Variants in AARS1 observed in about 807,000 individuals in gnomAD.
AARS1 encodes alanyl-tRNA synthetase 1, also known as alanine--tRNA ligase, cytoplasmic.
Under a neutral mutation model 108.9 loss-of-function variants are expected in AARS1, and 72 were observed. That is an observed-to-expected ratio of 0.66 (90% confidence interval 0.55 to 0.80). The LOEUF (loss-of-function observed/expected upper bound fraction) is 0.80, where lower values mean the gene tolerates loss of function less well. Among genes scored for constraint, AARS1 ranks in the 30% least tolerant of loss-of-function variants. The pLI is 0.00. For missense variants in AARS1, 1,193 were observed against 1,233.2 expected (o/e 0.97, Z 0.49); for synonymous variants, 489 against 465.7 (o/e 1.05, Z -0.64).
chr16:70,253,202 C>A, intron 20 of AARS1, 66 bp downstream of exon 20: 2 of 1,332,296 alleles, frequency 1.5e-6, no homozygotes, highest in Non-Finnish European at 2.1e-6. Context: ...GCAGGCTGTA[C>A]ACACACAGGC....
At position 70,286,481 on chromosome 16, in the gene AARS1, C is replaced by T. The variant is rs146462866; in HGVS notation, c.-22+2940G>A. ...GCTCAGGTGTTCCTCCCACCTCAGC[C>T]TCCGGAGTAGCTAGGACTACAGGCA... is the stretch of plus-strand genomic sequence containing the variant. On this transcript the variant is annotated intron_variant, in intron 1 of 20. Transcript: ENST00000261772. Among the ~76,000 whole-genome samples the T allele has an allele frequency of 4.5e-4, 69 of 151,946 alleles. No homozygotes were observed. In the East Asian group the frequency reaches 0.013, roughly 29 times the overall value.
At position 70,269,636 on chromosome 16, in the gene AARS1, G is replaced by A; in HGVS notation, c.944C>T (p.Pro315Leu). 1 of 1,614,108 alleles carries A rather than the reference G, an allele frequency of 6.2e-7. No individual in the cohort carries two copies. The highest frequency in any genetic ancestry group is 8.5e-7 in the Non-Finnish European group (1 of 1,180,036). The change falls in exon 7 of 21, where the codon CCT becomes CTT. Residue 315 changes from proline (P) to leucine (L), a missense_variant. Pro to Leu is a moderately conservative substitution (Grantham distance 98). Coordinates refer to ENST00000261772, the MANE Select transcript of AARS1 (RefSeq NM_001605.3). ...TACTTACCCACGCCCTGTGTTGTCA[G>A]GCCGGCCACCATCAGCCAGTGCCAC... ...ITVALADGGR[P>L]DNTGRGYVLR...
rs780132815 is a variant in AARS1 at position 70,254,744 on chromosome 16, G to A, written c.2287-10C>T. ...CTGCTTTCCTGAGGGCCTGGGAGGG[G>A]ACACCGGGTCAACCCCAAGCAGGAG... On this transcript the variant is annotated splice_polypyrimidine_tract_variant and intron_variant, in intron 16 of 20. Coordinates refer to ENST00000261772, the MANE Select transcript of AARS1 (RefSeq NM_001605.3). 1.9e-6 allele frequency: 3 copies of A among 1,581,876 alleles called. No homozygotes were observed. The highest frequency in any genetic ancestry group is 2.2e-5 in the East Asian group (1 of 44,676).
Position 70,269,607 on chromosome 16 carries a change from A to G in AARS1, c.962+11T>C. On this transcript the variant is annotated intron_variant, in intron 7 of 20. Coordinates refer to ENST00000261772, the MANE Select transcript of AARS1 (RefSeq NM_001605.3). ...CCGCTCCAAACACCACCCAGTGTGC[A>G]GCATACTTACCCACGCCCTGTGTTG... 1 of 1,613,726 alleles carries G rather than the reference A, an allele frequency of 6.2e-7. No individual in the cohort carries two copies. Among genetic ancestry groups the G allele is most frequent in the Non-Finnish European group, 8.5e-7 (1 of 1,180,026 alleles).
Position 70,252,384 on chromosome 16 carries a change from A to T in AARS1, c.*337T>A. ...GGAAGAGGGATAGAGATCATGCGGCATTAAGTATTGCACGTGGTCCTTTTA... is the reference window on the plus strand; with the variant it reads ...GGAAGAGGGATAGAGATCATGCGGCTTTAAGTATTGCACGTGGTCCTTTTA... On this transcript the variant is annotated 3_prime_UTR_variant, in exon 21 of 21. Coordinates refer to ENST00000261772, the MANE Select transcript of AARS1 (RefSeq NM_001605.3). 2.4e-6 allele frequency: 1 copy of T among 413,052 alleles called. No homozygotes were observed. Among genetic ancestry groups the T allele is most frequent in the South Asian group, 2.4e-5 (1 of 42,154 alleles). The allele number at this position is 413,052 out of a possible 1,614,324, so 25.6% of individuals were successfully genotyped here.
At chr16:70,286,264 G>A (rs541851899) in intron 1 of AARS1, among the ~76,000 whole-genome samples, 3 of 152,188 alleles carry the variant, frequency 2.0e-5, no homozygotes, top group East Asian at 1.9e-4. Flanking sequence ...GGATACAGAG[G>A]TAGCACAAAG....
chr16:70,271,494 C>T (rs1309413741), intron 5 of AARS1, among the ~76,000 whole-genome samples: 2 of 151,684 alleles, frequency 1.3e-5, no homozygotes, highest in African/African-American at 2.4e-5. Context: ...CACCATTGCA[C>T]TCCAGCCTGG....
chr16:70,266,904 T>C (rs1960276278), intron 9 of AARS1, among the ~76,000 whole-genome samples: 1 of 152,126 alleles, frequency 6.6e-6, no homozygotes, highest in South Asian at 2.1e-4. Flanking sequence ...TGGCATGATT[T>C]TGGCTCAATG....
chr16:70,276,445 T>C (rs769956116), intron 4 of AARS1, 41 bp downstream of exon 4: 4 of 1,610,288 alleles, frequency 2.5e-6, no homozygotes, highest in East Asian at 4.5e-5. Flanking sequence ...TGAGTGTCAT[T>C]TCACTCCTCC....
At chr16:70,253,530 C>T in intron 19 of AARS1, 149 bp from the exon 20 acceptor site, 2 of 1,008,988 alleles carry the variant, frequency 2.0e-6, no homozygotes, top group Non-Finnish European at 1.5e-6. Flanking sequence ...GACCCCAGCG[C>T]CGGGCCCTGC....
At chr16:70,262,997 A>AAAAAAAC (rs1960179665) in intron 11 of AARS1, among the ~76,000 whole-genome samples, 1 of 124,912 alleles carries the variant, frequency 8.0e-6, no homozygotes, top group Non-Finnish European at 1.6e-5. Flanking sequence ...AAAAAAAAAA[A>AAAAAAAC]ACAACAACAA....
chr16:70,261,821 C>A (rs996280723), intron 12 of AARS1, among the ~76,000 whole-genome samples: 3 of 151,734 alleles, frequency 2.0e-5, no homozygotes, highest in African/African-American at 4.8e-5. Context: ...AGGCATCCAC[C>A]ACCATACCTG....
chr16:70,275,845 G>C (rs1960534141), intron 4 of AARS1, among the ~76,000 whole-genome samples: 1 of 144,956 alleles, frequency 6.9e-6, no homozygotes, highest in African/African-American at 2.6e-5. Flanking sequence ...GCTGAGGAAG[G>C]AGAATGGCAT....
At chr16:70,255,630 TG>T in intron 16 of AARS1, 97 bp downstream of exon 16, 1 of 1,119,716 alleles carries the variant, frequency 8.9e-7, no homozygotes, top group East Asian at 2.5e-5. Flanking sequence ...TCACTCTGAC[TG>T]CAGCAGCCAC....
chr16:70,255,210 TTTTTTTG>T (rs1185539273), intron 16 of AARS1, among the ~76,000 whole-genome samples: 5 of 147,582 alleles, frequency 3.4e-5, no homozygotes, highest in African/African-American at 1.3e-4. Context: ...TTTTTTTTTT[TTTTTTTG>T]GAGACGGAGT....
In AARS1 at chr16:70,261,113, A is replaced by G. The variant is rs1428994358; in HGVS notation, c.1716T>C (p.Tyr572=). 1.2e-6 allele frequency: 2 copies of G among 1,613,930 alleles called. No homozygotes were observed. The highest frequency in any genetic ancestry group is 1.7e-5 in the Admixed American group (1 of 59,990). ...CGTAGATGGTTCCAATGTGTAGCAC[A>G]TACCCTCCTCGGACCTGAGCATTCT... ...TVKNAQVRGG[Y]VLHIGTIYGD... is the part of the protein sequence containing the mutation. The change falls in exon 13 of 21, where the codon TAT becomes TAC. Residue 572 remains tyrosine (Y), a synonymous_variant. Coordinates refer to ENST00000261772, the MANE Select transcript of AARS1 (RefSeq NM_001605.3).
intron 15 of AARS1, among the ~76,000 whole-genome samples, chr16:70,257,530 A>G (rs1032011736): frequency 1.3e-5 from 2 of 152,206 alleles, no homozygotes; most frequent in Admixed American, 6.5e-5. Context: ...GAGGAATCCA[A>G]ATTGGCAGAA....
intron 2 of AARS1, among the ~76,000 whole-genome samples, chr16:70,279,978 G>A (rs552791202): frequency 4.6e-4 from 70 of 152,200 alleles, no homozygotes; most frequent in African/African-American, 1.6e-3. Flanking sequence ...TCAACTCCTG[G>A]GCTCAAGCAA....
At chr16:70,289,160 T>G (rs1960961198) in intron 1 of AARS1, among the ~76,000 whole-genome samples, 1 of 151,586 alleles carries the variant, frequency 6.6e-6, no homozygotes, top group Non-Finnish European at 1.5e-5. Flanking sequence ...CCTAGGGGAT[T>G]AAAACCAAGG....
Sources: allele counts gnomAD v4.1 joint callset (sites outside exome capture counted in the v4.1 genomes callset), GRCh38; gene constraint gnomAD v4.1.1; transcripts MANE v1.5; gene names NCBI Gene and HGNC (gene_info 2026-07-23, HGNC 2026-07-21).